ARID3C: variants seen among roughly 807,000 people sequenced by gnomAD.
ARID3C encodes AT-rich interactive domain-containing protein 3C.
A neutral mutation model predicts 37.9 loss-of-function variants in ARID3C; 42 were observed. The observed-to-expected ratio is 1.11, with a 90% CI of 0.87 to 1.43. The LOEUF is 1.43. Ranked by LOEUF, ARID3C falls within the 40% of genes most tolerant of loss-of-function variation. ARID3C has a pLI of 0.00. For synonymous variants in ARID3C, 213 were observed against 228.0 expected, an observed-to-expected ratio of 0.93 and a Z score of 0.59; for missense variants, 581 against 548.8, an observed-to-expected ratio of 1.06 and a Z score of -0.59.
upstream of ARID3C, among the ~76,000 whole-genome samples, chr9:34,628,876 G>T (rs941865238): frequency 6.4e-4 from 97 of 152,202 alleles, no homozygotes; most frequent in African/African-American, 2.3e-3. The surrounding 1 kb of genome is among the most constrained non-coding windows in gnomAD (Gnocchi z 5.2). Flanking sequence ...GAGTCGCGAC[G>T]CCCGGCTCCC....
intron 6 of ARID3C, among the ~76,000 whole-genome samples, 194 bp downstream of exon 7, chr9:34,621,826 G>T (rs1444206886): frequency 6.6e-6 from 1 of 152,064 alleles, no homozygotes; most frequent in Non-Finnish European, 1.5e-5. Flanking sequence ...TGCCAGAGAG[G>T]TCATGCCTTG....
At chr9:34,628,152 G>T (rs1820685182), upstream of ARID3C, 1 of 1,211,486 alleles carries the variant, frequency 8.3e-7, no homozygotes, top group South Asian at 1.7e-5. The surrounding 1 kb of genome is among the most constrained non-coding windows in gnomAD (Gnocchi z 5.2). Context: ...ACAGGGGGAG[G>T]TGGTCATGGA....
chr9:34,627,320 G>T (rs1463490461), intron 1 of ARID3C, among the ~76,000 whole-genome samples: 1 of 152,100 alleles, frequency 6.6e-6, no homozygotes, highest in Non-Finnish European at 1.5e-5. Context: ...GGTGGTGCTG[G>T]CATTGGAATC....
chr9:34,627,947 C>G lies in ARID3C; in HGVS notation c.68G>C (p.Cys23Ser), dbSNP rs562959872. 1.2e-5 allele frequency: 18 copies of G among 1,550,132 alleles called. No individual in the cohort carries two copies. The South Asian group carries it at 1.8e-4, about 15-fold the overall frequency. ...GGGAGGCTGCGGTGGCAGCAGCGGG[C>G]ATGCAGGGGCCAATGGCCCCACCCC... Residue 23 changes from cysteine to serine, a missense_variant, in exon 1 of 7, where the codon TGC becomes TCC. By Grantham distance (112) the Cys-to-Ser change is moderately radical (BLOSUM62 -1). Coordinates refer to ENST00000378909, the Ensembl canonical transcript of ARID3C.
chr9:34,621,409 C>T (rs1371031270), exon 7 of ARID3C: 3 of 1,285,484 alleles, frequency 2.3e-6, no homozygotes, highest in Non-Finnish European at 3.2e-6. Context: ...AGGGGGTCTC[C>T]TCCCCCCTCA....
chr9:34,621,433 G>A, exon 7 of ARID3C: 1 of 1,449,332 alleles, frequency 6.9e-7, no homozygotes, highest in Non-Finnish European at 9.2e-7. Context: ...ATGGGGCTGG[G>A]ACTCTTAGTT....
chr9:34,626,398 C>T (rs1397794372), intron 1 of ARID3C, among the ~76,000 whole-genome samples: 3 of 152,112 alleles, frequency 2.0e-5, no homozygotes, highest in South Asian at 4.1e-4. Flanking sequence ...GGCAGTTAAC[C>T]TGCCTACAGA....
At chr9:34,631,853 A>T (rs191290521), upstream of ARID3C, among the ~76,000 whole-genome samples, 41 of 152,320 alleles carry the variant, frequency 2.7e-4, no homozygotes, top group Non-Finnish European at 4.0e-4. Context: ...GAACTGGAGG[A>T]TCTACTTCCA....
chr9:34,627,569 G>A (rs549363249), intron 1 of ARID3C, 128 bp downstream of exon 2: 18 of 799,010 alleles, frequency 2.3e-5, no homozygotes, highest in Admixed American at 1.3e-4. Context: ...ATAGGTCTCC[G>A]TGTCTCTGTG....
exon 7 of ARID3C, chr9:34,621,504 G>T: frequency 1.3e-6 from 2 of 1,551,178 alleles, no homozygotes; most frequent in Non-Finnish European, 1.7e-6. Flanking sequence ...TGGGGGTGCA[G>T]GGTTGGTTGG....
chr9:34,623,935 C>T (rs761401108), exon 3 of ARID3C: 49 of 1,605,974 alleles, frequency 3.1e-5, no homozygotes, highest in Admixed American at 1.3e-4. Context: ...CTTCCCGCCA[C>T]ACTTTGCGGT....
At chr9:34,627,571 GTCTCTGTGTCTC>G (rs1820672100) in intron 1 of ARID3C, 114 bp downstream of exon 2, 1 of 817,742 alleles carries the variant, frequency 1.2e-6, no homozygotes, top group Non-Finnish European at 1.9e-6. Flanking sequence ...AGGTCTCCGT[GTCTCTGTGTCTC>G]TTTTCATCTT....
exon 1 of ARID3C, chr9:34,627,857 T>C (rs1398718138): frequency 6.3e-7 from 1 of 1,593,996 alleles, no homozygotes; most frequent in Admixed American, 1.8e-5. Context: ...AGCATCTTCC[T>C]CTTCCTCAGC....
intron 4 of ARID3C, among the ~76,000 whole-genome samples, chr9:34,623,147 C>CA (rs1334414839): frequency 0.35 from 25,643 of 72,260 alleles, 3,042 homozygotes; most frequent in Non-Finnish European, 0.38. Flanking sequence ...CTCCGTCTCA[C>CA]AAAAAAAAAA....
At chr9:34,622,503 G>C (rs745521294) in exon 5 of ARID3C, 1 of 1,609,816 alleles carries the variant, frequency 6.2e-7, no homozygotes, top group South Asian at 1.1e-5. Flanking sequence ...GGCAGTGCCA[G>C]ACAAGGGTTT....
chr9:34,622,472 G>T, exon 5 of ARID3C: 1 of 1,613,958 alleles, frequency 6.2e-7, no homozygotes, highest in Non-Finnish European at 8.5e-7. Context: ...CTCCCGTGTA[G>T]GTCCCAGTGC....
upstream of ARID3C, chr9:34,628,217 G>A (rs1820685861): frequency 7.9e-6 from 5 of 633,446 alleles, no homozygotes; most frequent in Non-Finnish European, 1.3e-5. The surrounding 1 kb of genome is among the most constrained non-coding windows in gnomAD (Gnocchi z 5.2). Flanking sequence ...CTTTCCCAGA[G>A]GTGAACAGAA....
upstream of ARID3C, among the ~76,000 whole-genome samples, chr9:34,629,592 CAT>C (rs1007998218): frequency 4.6e-5 from 7 of 152,242 alleles, no homozygotes; most frequent in South Asian, 2.1e-4. Context: ...GGTTTGCACA[CAT>C]GAGTGCACAT....
upstream of ARID3C, chr9:34,628,196 C>G (rs2132315710): frequency 1.3e-6 from 1 of 783,288 alleles, no homozygotes; most frequent in Non-Finnish European, 1.9e-6. This position sits in a 1 kb window ranked among gnomAD's most constrained non-coding sequence, Gnocchi z 5.2. Context: ...AGGAAAGAGG[C>G]AGAAAGATGG....
Sources: allele counts gnomAD v4.1 joint callset (sites outside exome capture counted in the v4.1 genomes callset), GRCh38; gene constraint gnomAD v4.1.1; non-coding constraint Gnocchi (gnomAD v3.1); transcripts MANE v1.5; gene names NCBI Gene and HGNC (gene_info 2026-07-23, HGNC 2026-07-21).